Variants in DNAH17 observed in about 807,000 individuals in gnomAD.
The protein encoded by DNAH17 is axonemal beta dynein heavy chain 17.
In DNAH17, 376 loss-of-function variants were observed where a neutral mutation model predicts 485.6. That is an observed-to-expected ratio of 0.77 (90% CI 0.71 to 0.84). The LOEUF is 0.84. DNAH17 is among the 40% of genes least tolerant of loss of function. The pLI, the probability that DNAH17 is intolerant of heterozygous loss-of-function variation, is 0.00. For missense variants in DNAH17, 6,370 were observed against 5,839.3 expected (o/e 1.09, Z -2.96); for synonymous variants, 3,031 against 2,405.9 (o/e 1.26, Z -7.60).
intron 26 of DNAH17, among the ~76,000 whole-genome samples, chr17:78,511,980 G>A (rs2090647391): frequency 1.3e-5 from 2 of 152,342 alleles, no homozygotes; most frequent in Middle Eastern, 3.4e-3. Flanking sequence ...GTGCCCCTGT[G>A]CCCTCAGGGT....
intron 25 of DNAH17, among the ~76,000 whole-genome samples, chr17:78,523,404 G>T (rs1247342859): frequency 6.6e-6 from 1 of 152,066 alleles, no homozygotes; most frequent in East Asian, 1.9e-4. Context: ...GATTACAGGC[G>T]TGAGCCACCC....
chr17:78,482,119 C>T (rs2089376356), intron 48 of DNAH17, among the ~76,000 whole-genome samples: 1 of 148,556 alleles, frequency 6.7e-6, no homozygotes, highest in South Asian at 2.2e-4. Context: ...GCTCTCTCAC[C>T]CCGGCTGGAG....
chr17:78,507,303 T>C lies in DNAH17; in HGVS notation c.4651A>G (p.Asn1551Asp), dbSNP rs2146744693. Residue 1551 changes from asparagine to aspartate, a missense_variant, in exon 29 of 81, where the codon AAT becomes GAT. Coordinates refer to ENST00000389840, the MANE Select transcript of DNAH17 (RefSeq NM_173628.4). ...VEATSKPGLYNKLEALKKSLA... is the reference protein window; with the variant it reads ...VEATSKPGLYDKLEALKKSLA... ...CTCTTCTTCAGGGCCTCCAGTTTAT[T>C]GTAGAGGCCGGGTTTGCTGGTGGCT... 6.2e-7 allele frequency: 1 copy of C among 1,614,004 alleles called. No homozygotes were observed. Among genetic ancestry groups the C allele is most frequent in the Non-Finnish European group, 8.5e-7 (1 of 1,179,896 alleles).
At chr17:78,462,688 G>A (rs996480651) in intron 57 of DNAH17, among the ~76,000 whole-genome samples, 156 bp downstream of exon 57, 1 of 152,160 alleles carries the variant, frequency 6.6e-6, no homozygotes, top group South Asian at 2.1e-4. Flanking sequence ...TCTGGCCTAG[G>A]AGTAAATGCT....
chr17:78,427,529 C>T (rs2146411960), intron 77 of DNAH17, among the ~76,000 whole-genome samples: 1 of 152,324 alleles, frequency 6.6e-6, no homozygotes, highest in Admixed American at 6.5e-5. Flanking sequence ...TCACCTGCAC[C>T]ACCGTCTGTC....
chr17:78,475,208 A>G (rs1023777657), intron 54 of DNAH17, 70 bp downstream of exon 54: 15 of 1,535,736 alleles, frequency 9.8e-6, no homozygotes, highest in Non-Finnish European at 1.2e-5. Flanking sequence ...ATTTTGGAAA[A>G]GGGAGTGAAG....
intron 19 of DNAH17, among the ~76,000 whole-genome samples, chr17:78,536,414 C>T (rs1371600526): frequency 6.6e-6 from 1 of 152,150 alleles, no homozygotes; most frequent in East Asian, 1.9e-4. Context: ...TATGCTACTG[C>T]ACTCCAGCCT....
intron 75 of DNAH17, 37 bp from the exon 76 acceptor site, chr17:78,429,337 C>T: frequency 6.3e-7 from 1 of 1,597,772 alleles, no homozygotes. Flanking sequence ...GAAAGTGCCC[C>T]TGTGCCCCTT....
Position 78,558,211 on chromosome 17 carries a change from T to C in DNAH17, c.2075A>G (p.Gln692Arg). The C allele has an allele frequency of 1.9e-6, 3 of 1,613,870 alleles. No homozygotes were observed. Among genetic ancestry groups the C allele is most frequent in the Middle Eastern group, 3.3e-4 (2 of 6,062 alleles). The change falls in exon 14 of 81, where the codon CAA becomes CGA. Residue 692 changes from glutamine (Q) to arginine (R), a missense_variant. Coordinates refer to ENST00000389840, the MANE Select transcript of DNAH17 (RefSeq NM_173628.4). ...LREVKYLNFQ[Q>R]QKEIPDSAES... is the part of the protein sequence containing the mutation. ...CGCACTGTCTGGAATCTCTTTCTGT[T>C]GCTGGAAATTCAAATACTTGACTTC...
chr17:78,566,662 G>T lies in DNAH17; in HGVS notation c.1521C>A (p.Ile507=). 6.2e-7 allele frequency: 1 copy of T among 1,611,278 alleles called. No homozygotes were observed. The highest frequency in any genetic ancestry group is 8.5e-7 in the Non-Finnish European group (1 of 1,178,808). ...IQDLDRRLAT[I]FCQGFDDCSC... is the part of the protein sequence containing the mutation. Reference sequence around the variant, plus strand: ...TGCAGTCATCAAATCCTTGGCAAAAGATCGTGGCCAGCCTCCTATCCAGGT... The same window carrying T: ...TGCAGTCATCAAATCCTTGGCAAAATATCGTGGCCAGCCTCCTATCCAGGT... Residue 507 remains isoleucine (I), a synonymous_variant, in exon 11 of 81, where the codon ATC becomes ATA. Transcript: ENST00000389840.
At chr17:78,466,435 T>C (rs2088459456) in intron 56 of DNAH17, among the ~76,000 whole-genome samples, 1 of 151,134 alleles carries the variant, frequency 6.6e-6, no homozygotes. Context: ...GAATTATCAA[T>C]AAAAAATAAA....
At chr17:78,439,714 G>A (rs2086994896) in intron 72 of DNAH17, among the ~76,000 whole-genome samples, 1 of 128,712 alleles carries the variant, frequency 7.8e-6, no homozygotes, top group Non-Finnish European at 1.5e-5. Flanking sequence ...CTGTCGCCCA[G>A]GCTGGAGTGC....
intron 56 of DNAH17, among the ~76,000 whole-genome samples, chr17:78,464,301 C>T (rs921439488): frequency 2.0e-5 from 3 of 152,174 alleles, no homozygotes; most frequent in African/African-American, 7.2e-5. Flanking sequence ...GCTCTATTGC[C>T]CAGGCTAGAG....
chr17:78,573,488 A>C (rs890511040), intron 2 of DNAH17, among the ~76,000 whole-genome samples: 13 of 151,488 alleles, frequency 8.6e-5, no homozygotes, highest in African/African-American at 2.9e-4. Context: ...AATCCCAGCT[A>C]TTTGGGAGGC....
At position 78,494,580 on chromosome 17, in the gene DNAH17, C is replaced by T. The variant is rs879131777; in HGVS notation, c.6270+13G>A. 1 of 1,612,954 alleles carries T rather than the reference C, an allele frequency of 6.2e-7. No homozygotes were observed. The highest frequency in any genetic ancestry group is 1.1e-5 in the South Asian group (1 of 91,030). ...GGCTTCTCCGGACAGACCTGAGACC[C>T]AGGAGTCCCGACCTTTTCAAAATTC... On this transcript the variant is annotated intron_variant, in intron 40 of 80. Transcript: ENST00000389840.
intron 35 of DNAH17, 23 bp downstream of exon 35, chr17:78,501,161 A>G: frequency 2.6e-6 from 4 of 1,556,292 alleles, no homozygotes; most frequent in Non-Finnish European, 2.6e-6. Flanking sequence ...AGCACATGTG[A>G]GTTACTCAGG....
At position 78,543,988 on chromosome 17, in the gene DNAH17, C is replaced by A. The variant is rs188562373; in HGVS notation, c.2401G>T (p.Ala801Ser). 1.2e-6 allele frequency: 2 copies of A among 1,613,966 alleles called. No homozygotes were observed. Among genetic ancestry groups the A allele is most frequent in the Non-Finnish European group, 1.7e-6 (2 of 1,179,876 alleles). The change falls in exon 17 of 81, where the codon GCC (alanine) becomes TCC (serine). Residue 801 changes from alanine to serine, a missense_variant. Coordinates refer to ENST00000389840, the MANE Select transcript of DNAH17 (RefSeq NM_173628.4). Reference protein sequence around the residue: ...GISQAMKDWSANPLFERKDNK... With the variant: ...GISQAMKDWSSNPLFERKDNK... ...TCCTTTCTTTCAAACAGCGGGTTGG[C>A]CGACCAGTCCTGGAAGGAAAGCACA...
At position 78,504,300 on chromosome 17, in the gene DNAH17, G is replaced by A. The variant is rs183059324; in HGVS notation, c.4956+993C>T. On this transcript the variant is annotated intron_variant, in intron 31 of 80. Transcript: ENST00000389840. ...GGCTGGTCTTGAACTCCCGACCTCA[G>A]ATGATCCGCCCACCTCGACCTCCCA... is the stretch of plus-strand genomic sequence containing the variant. Among the ~76,000 whole-genome samples, 835 of 152,160 alleles carry A rather than the reference G, an allele frequency of 5.5e-3. 10 individuals are homozygous for A. The highest frequency in any genetic ancestry group is 0.018 in the African/African-American group (751 of 41,512).
At chr17:78,443,704 C>T (rs1025500445) in intron 71 of DNAH17, among the ~76,000 whole-genome samples, 50 of 152,168 alleles carry the variant, frequency 3.3e-4, no homozygotes, top group African/African-American at 1.1e-3. Context: ...AGCCCGCCAC[C>T]GCGCCCTGCT....
Sources: allele counts gnomAD v4.1 joint callset (sites outside exome capture counted in the v4.1 genomes callset), GRCh38; gene constraint gnomAD v4.1.1; transcripts MANE v1.5; gene names NCBI Gene and HGNC (gene_info 2026-07-23, HGNC 2026-07-21).